The following CADM2 variants were observed in gnomAD, a reference collection of about 807,000 sequenced individuals.
CADM2 encodes the protein cell adhesion molecule 2.
CADM2 carries 12 observed loss-of-function variants against 49.8 expected under a neutral mutation model. The ratio of observed to expected loss-of-function variants is 0.24; its 90% CI spans 0.15 to 0.39. The LOEUF (loss-of-function observed/expected upper bound fraction) is 0.39, where lower values mean the gene tolerates loss of function less well. CADM2 is among the 10% of genes least tolerant of loss of function. The pLI, the probability that CADM2 is intolerant of heterozygous loss-of-function variation, is 1.00. For missense variants in CADM2, 378 were observed against 492.3 expected, an observed-to-expected ratio of 0.77 and a Z score of 2.20; for synonymous variants, 214 against 175.4, an observed-to-expected ratio of 1.22 and a Z score of -1.74.
intron 1 of CADM2, among the ~76,000 whole-genome samples, chr3:85,596,516 A>G (rs1053673910): frequency 3.3e-5 from 5 of 152,124 alleles, no homozygotes; most frequent in African/African-American, 9.6e-5. Context: ...TAATGTGTGC[A>G]AATTGATGAG....
At chr3:85,468,505 C>T (rs1421642026) in intron 1 of CADM2, among the ~76,000 whole-genome samples, 2 of 152,072 alleles carry the variant, frequency 1.3e-5, no homozygotes, top group Non-Finnish European at 2.9e-5. Flanking sequence ...ATTAATCATT[C>T]TTAAGTGAGT....
At chr3:85,466,623 C>A (rs1466609349) in intron 1 of CADM2, among the ~76,000 whole-genome samples, 1 of 152,034 alleles carries the variant, frequency 6.6e-6, no homozygotes, top group East Asian at 1.9e-4. Flanking sequence ...TATATGAAAT[C>A]ATGTCAGATT....
chr3:85,066,471 A>C (rs1455885549), intron 1 of CADM2, among the ~76,000 whole-genome samples: 1 of 151,976 alleles, frequency 6.6e-6, no homozygotes, highest in African/African-American at 2.4e-5. Context: ...TTTTGACTTT[A>C]TGACATGGCA....
At chr3:85,314,163 C>T (rs1257614909) in intron 1 of CADM2, among the ~76,000 whole-genome samples, 1 of 152,202 alleles carries the variant, frequency 6.6e-6, no homozygotes, top group Non-Finnish European at 1.5e-5. Context: ...GCTGGGGTTA[C>T]AGGCGTGAGC....
chr3:85,360,059 A>G (rs962508086), intron 1 of CADM2, among the ~76,000 whole-genome samples: 5 of 151,916 alleles, frequency 3.3e-5, no homozygotes, highest in Non-Finnish European at 5.9e-5. Flanking sequence ...ATTTTCACGT[A>G]TACAAAGATA....
At chr3:86,008,948 A>G (rs1181145953) in intron 8 of CADM2, among the ~76,000 whole-genome samples, 2 of 151,428 alleles carry the variant, frequency 1.3e-5, no homozygotes, top group African/African-American at 4.8e-5. Context: ...CTCTTTTTCT[A>G]TGAGAAAATA....
At chr3:85,955,826 A>T (rs1723988852) in intron 7 of CADM2, among the ~76,000 whole-genome samples, 1 of 151,638 alleles carries the variant, frequency 6.6e-6, no homozygotes, top group African/African-American at 2.4e-5. Flanking sequence ...TTCTAAAAAA[A>T]ATCTGTTCAG....
At chr3:85,961,739 A>T in intron 8 of CADM2, 92 bp downstream of exon 8, 1 of 778,742 alleles carries the variant, frequency 1.3e-6, no homozygotes, top group Non-Finnish European at 1.9e-6. Flanking sequence ...AGTGAACAAA[A>T]TTATATGGTT....
intron 1 of CADM2, among the ~76,000 whole-genome samples, chr3:85,035,392 G>C (rs141576672): frequency 1.3e-3 from 197 of 152,190 alleles, no homozygotes; most frequent in African/African-American, 4.7e-3. Context: ...TTTGTTGACT[G>C]TTTCCTTTGC....
intron 1 of CADM2, among the ~76,000 whole-genome samples, chr3:85,646,885 C>A (rs1317596388): frequency 6.6e-6 from 1 of 151,882 alleles, no homozygotes; most frequent in Non-Finnish European, 1.5e-5. Flanking sequence ...TAAATTAATT[C>A]TTTGGACTGT....
At chr3:85,760,685 T>C (rs2069331862) in intron 2 of CADM2, among the ~76,000 whole-genome samples, 1 of 152,182 alleles carries the variant, frequency 6.6e-6, no homozygotes, top group Admixed American at 6.5e-5. Context: ...GTTTTATGGT[T>C]CATAATGGAG....
chr3:85,828,957 G>T (rs867568338), intron 3 of CADM2, among the ~76,000 whole-genome samples: 8 of 151,844 alleles, frequency 5.3e-5, no homozygotes, highest in Non-Finnish European at 1.0e-4. Flanking sequence ...ATCTCACTTT[G>T]TAAGTTCTTA....
At chr3:85,675,421 T>C (rs1474982720) in intron 1 of CADM2, among the ~76,000 whole-genome samples, 1 of 152,212 alleles carries the variant, frequency 6.6e-6, no homozygotes, top group East Asian at 1.9e-4. Context: ...TGTTGTTCAA[T>C]TTTTAAGGAG....
chr3:85,648,613 T>C (rs2064958725), intron 1 of CADM2, among the ~76,000 whole-genome samples: 1 of 152,022 alleles, frequency 6.6e-6, no homozygotes, highest in Non-Finnish European at 1.5e-5. Flanking sequence ...TAAATTATAT[T>C]TAATCTAAAG....
At chr3:85,700,664 G>A (rs971179268) in intron 1 of CADM2, among the ~76,000 whole-genome samples, 7 of 152,040 alleles carry the variant, frequency 4.6e-5, no homozygotes, top group African/African-American at 1.4e-4. Context: ...TTAGGGTTGG[G>A]CACAATGCCA....
intron 2 of CADM2, among the ~76,000 whole-genome samples, chr3:85,753,476 C>T (rs1252662722): frequency 6.6e-6 from 1 of 152,134 alleles, no homozygotes; most frequent in East Asian, 1.9e-4. Context: ...TAGTGAAAGA[C>T]AGTTGCAGTT....
chr3:85,463,310 C>A (rs1338921149), intron 1 of CADM2, among the ~76,000 whole-genome samples: 1 of 152,134 alleles, frequency 6.6e-6, no homozygotes, highest in East Asian at 1.9e-4. Flanking sequence ...ATGACATATT[C>A]TCTCTAAGGG....
At chr3:85,903,792 T>C (rs1179605408) in intron 5 of CADM2, among the ~76,000 whole-genome samples, 1 of 152,144 alleles carries the variant, frequency 6.6e-6, no homozygotes, top group Non-Finnish European at 1.5e-5. Context: ...ACCCAGTGAT[T>C]CCCCTTCACT....
intron 2 of CADM2, among the ~76,000 whole-genome samples, chr3:85,801,444 A>G (rs2072030174): frequency 6.6e-6 from 1 of 152,178 alleles, no homozygotes; most frequent in Non-Finnish European, 1.5e-5. Flanking sequence ...TAGAGTTTGA[A>G]TGGATATTCT....
Sources: gnomAD v4.1 joint callset for allele counts (sites outside exome capture counted in the v4.1 genomes callset) on GRCh38, gnomAD v4.1.1 for gene constraint, MANE v1.5 for transcripts, NCBI Gene and HGNC (gene_info 2026-07-23, HGNC 2026-07-21) for gene names.